PRKG1: variants seen among roughly 807,000 people sequenced by gnomAD.
PRKG1 encodes cGMP-dependent protein kinase 1.
PRKG1 carries 35 observed loss-of-function variants against 88.1 expected under a neutral mutation model. That is an observed-to-expected ratio of 0.40 (90% CI 0.30 to 0.53). The LOEUF (loss-of-function observed/expected upper bound fraction) is 0.53. PRKG1 is among the 20% of genes least tolerant of loss of function. PRKG1 has a pLI of 0.59. For synonymous variants in PRKG1, 303 were observed against 292.5 expected (o/e 1.04, Z -0.37); for missense variants, 540 against 839.8 (o/e 0.64, Z 4.41).
At chr10:51,289,262 G>A (rs145605890) in intron 2 of PRKG1, among the ~76,000 whole-genome samples, 222 of 152,190 alleles carry the variant, frequency 1.5e-3, no homozygotes, top group Non-Finnish European at 2.8e-3. Flanking sequence ...GCTTAGGACC[G>A]CCTCTCTTAC....
chr10:51,306,872 T>C (rs1427020928), intron 2 of PRKG1, among the ~76,000 whole-genome samples: 1 of 152,224 alleles, frequency 6.6e-6, no homozygotes, highest in Non-Finnish European at 1.5e-5. Context: ...CATTTATCCA[T>C]TGAAGAAACT....
intron 2 of PRKG1, among the ~76,000 whole-genome samples, chr10:51,309,699 A>C (rs918421897): frequency 2.0e-5 from 3 of 152,182 alleles, no homozygotes; most frequent in Admixed American, 2.0e-4. Context: ...TTCTCAAATA[A>C]CTACAAATAG....
intron 7 of PRKG1, among the ~76,000 whole-genome samples, chr10:52,069,932 T>C (rs1846454964): frequency 6.9e-6 from 1 of 145,956 alleles, no homozygotes; most frequent in African/African-American, 2.5e-5. Flanking sequence ...AGTTTTACCT[T>C]CTTCTATTTT....
intron 5 of PRKG1, among the ~76,000 whole-genome samples, chr10:52,039,127 G>A (rs1845691976): frequency 6.6e-6 from 1 of 152,188 alleles, no homozygotes; most frequent in Non-Finnish European, 1.5e-5. Flanking sequence ...GCACGTCCGT[G>A]TGAAGAGACC....
intron 7 of PRKG1, among the ~76,000 whole-genome samples, chr10:52,098,900 C>T (rs1847234274): frequency 6.6e-6 from 1 of 152,088 alleles, no homozygotes; most frequent in African/African-American, 2.4e-5. Context: ...TTAGTTGGTT[C>T]CATGAATGCC....
At chr10:52,057,836 T>C (rs1846145577) in intron 6 of PRKG1, among the ~76,000 whole-genome samples, 1 of 152,128 alleles carries the variant, frequency 6.6e-6, no homozygotes, top group Admixed American at 6.6e-5. Context: ...TATTTGCATA[T>C]GTATACATAT....
At chr10:51,914,248 G>A (rs904368102) in intron 5 of PRKG1, among the ~76,000 whole-genome samples, 2 of 151,152 alleles carry the variant, frequency 1.3e-5, no homozygotes, top group Non-Finnish European at 2.9e-5. Flanking sequence ...TTATCTAAAT[G>A]TTGAGGCTAT....
At chr10:51,781,018 A>G (rs2132562577) in intron 3 of PRKG1, among the ~76,000 whole-genome samples, 1 of 152,264 alleles carries the variant, frequency 6.6e-6, no homozygotes, top group East Asian at 1.9e-4. Flanking sequence ...TATCCTAAAG[A>G]CAATGGAAAT....
chr10:52,171,785 A>ATTTTTTT (rs1358641112), intron 9 of PRKG1, among the ~76,000 whole-genome samples: 1,576 of 122,248 alleles, frequency 0.013, 101 homozygotes, highest in East Asian at 0.12. Context: ...CTTTTATCAA[A>ATTTTTTT]ATTTTTTTTT....
At chr10:51,082,065 A>G (rs1340846643) in intron 1 of PRKG1, among the ~76,000 whole-genome samples, 1 of 152,150 alleles carries the variant, frequency 6.6e-6, no homozygotes, top group East Asian at 1.9e-4. Flanking sequence ...CCACCTGATC[A>G]TCTTTTTTTT....
At chr10:51,550,271 G>A (rs546275485) in intron 3 of PRKG1, among the ~76,000 whole-genome samples, 2 of 152,150 alleles carry the variant, frequency 1.3e-5, no homozygotes, top group Non-Finnish European at 2.9e-5. Context: ...ACATTTTCAT[G>A]TCTAGATTAG....
chr10:52,097,715 C>A (rs558128202), intron 7 of PRKG1, among the ~76,000 whole-genome samples: 1 of 151,412 alleles, frequency 6.6e-6, no homozygotes, highest in African/African-American at 2.4e-5. Context: ...ATCATTACAT[C>A]CTAAAGCTAA....
At chr10:51,191,719 G>C (rs1272523270) in intron 2 of PRKG1, among the ~76,000 whole-genome samples, 1 of 151,624 alleles carries the variant, frequency 6.6e-6, no homozygotes, top group African/African-American at 2.4e-5. Flanking sequence ...GAGGTATTCA[G>C]CAACTTGACC....
rs1840048804 is a variant in PRKG1 at position 52,213,992 on chromosome 10, G to A, written c.1077-37578G>A. On this transcript the variant is annotated intron_variant, in intron 9 of 17. Transcript: ENST00000373980. ...CCTTTTTAGAAAATAAAATGTATATGTTTCAAAATTTGATGAGCATTTACG... is the reference window on the plus strand; with the variant it reads ...CCTTTTTAGAAAATAAAATGTATATATTTCAAAATTTGATGAGCATTTACG... Among the ~76,000 whole-genome samples the A allele has an allele frequency of 2.6e-5, 4 of 151,730 alleles. No individual in the cohort carries two copies. In the South Asian group the frequency reaches 8.3e-4, roughly 31 times the overall value.
intron 5 of PRKG1, among the ~76,000 whole-genome samples, chr10:51,968,348 G>A (rs942856423): frequency 2.0e-5 from 3 of 152,080 alleles, no homozygotes; most frequent in Admixed American, 1.3e-4. Flanking sequence ...TGTAGGCACA[G>A]CAAGGAGCAG....
At chr10:51,822,075 T>G (rs1839761858) in intron 4 of PRKG1, among the ~76,000 whole-genome samples, 1 of 151,980 alleles carries the variant, frequency 6.6e-6, no homozygotes, top group Non-Finnish European at 1.5e-5. Flanking sequence ...GATGAATGAA[T>G]AAAGAATATG....
intron 1 of PRKG1, among the ~76,000 whole-genome samples, chr10:51,050,917 T>C (rs1333933796): frequency 2.0e-5 from 3 of 152,172 alleles, no homozygotes; most frequent in Non-Finnish European, 4.4e-5. Context: ...TGAATACCTT[T>C]TCATATACTT....
At chr10:51,959,390 A>G (rs1843391510) in intron 5 of PRKG1, among the ~76,000 whole-genome samples, 1 of 152,146 alleles carries the variant, frequency 6.6e-6, no homozygotes. Context: ...AAAGAGTGTC[A>G]TGTGGATAGT....
chr10:51,821,272 C>T (rs1456097678), intron 4 of PRKG1, among the ~76,000 whole-genome samples: 1 of 152,010 alleles, frequency 6.6e-6, no homozygotes, highest in Non-Finnish European at 1.5e-5. Flanking sequence ...TGGATTATTG[C>T]CATTTTGAGG....
Sources: gnomAD v4.1 joint callset for allele counts (sites outside exome capture counted in the v4.1 genomes callset) on GRCh38, gnomAD v4.1.1 for gene constraint, MANE v1.5 for transcripts, NCBI Gene and HGNC (gene_info 2026-07-23, HGNC 2026-07-21) for gene names.